The following MVB12B variants were observed in gnomAD, a reference collection of about 807,000 sequenced individuals.
MVB12B encodes ESCRT-I complex subunit MVB12B.
MVB12B carries 16 observed loss-of-function variants against 41.6 expected under a neutral mutation model. The ratio of observed to expected loss-of-function variants is 0.38; its 90% CI spans 0.26 to 0.58. The LOEUF (loss-of-function observed/expected upper bound fraction) is 0.58, where lower values mean the gene tolerates loss of function less well. Among genes scored for constraint, MVB12B ranks in the 20% least tolerant of loss-of-function variants. The probability of loss-of-function intolerance (pLI) is 0.62; values close to 1 mark genes in which losing one functional copy is unlikely to be tolerated. For missense variants in MVB12B, 274 were observed against 380.2 expected (o/e 0.72, Z 2.32); for synonymous variants, 133 against 139.7 (o/e 0.95, Z 0.34).
chr9:126,497,896 G>T (rs1014390277), intron 9 of MVB12B, among the ~76,000 whole-genome samples: 1 of 152,178 alleles, frequency 6.6e-6, no homozygotes, highest in Non-Finnish European at 1.5e-5. Context: ...TTGTCAAAAC[G>T]CCCACACCCA....
intron 1 of MVB12B, 78 bp downstream of exon 1, chr9:126,327,088 C>T (rs1419188038): frequency 1.5e-5 from 3 of 198,002 alleles, no homozygotes; most frequent in Admixed American, 6.8e-5. Flanking sequence ...CGGGCGCGGG[C>T]CCCCGGCCGA....
Position 126,504,535 on chromosome 9 carries a change from C to T in MVB12B, c.*1272C>T, listed in dbSNP as rs1409444080. The T allele has an allele frequency of 1.3e-5, 2 of 152,604 alleles. No homozygotes were observed. The highest frequency in any genetic ancestry group is 3.9e-4 in the East Asian group (2 of 5,188). 9.5% of individuals were successfully genotyped at this position (152,604 alleles called of 1,614,324 possible). A position where few individuals can be genotyped will look rare whatever the true frequency, so the allele number is the denominator to read the frequency against. On this transcript the variant is annotated 3_prime_UTR_variant, in exon 10 of 10. Coordinates refer to ENST00000361171, the MANE Select transcript of MVB12B (RefSeq NM_033446.3). ...AAGCCTCTGCCTCAGCGGGGACGGC[C>T]TCCTGCTGCAGGTCCTGGGCAGCCC...
intron 2 of MVB12B, among the ~76,000 whole-genome samples, chr9:126,364,036 G>T (rs1288347803): frequency 6.6e-6 from 1 of 152,154 alleles, no homozygotes; most frequent in Admixed American, 6.5e-5. Context: ...ACAGGGCCTG[G>T]TGCACACATT....
rs571921012 is a variant in MVB12B, at chr9:126,442,793, C to T, written c.757+20845C>T. ...GGTGGCAAGGCCTACAGCCGGCCAA[C>T]ATGAGTTGGGCAGAAGTGTATCCTC... On this transcript the variant is annotated intron_variant, in intron 7 of 9. Coordinates refer to ENST00000361171, the MANE Select transcript of MVB12B (RefSeq NM_033446.3). Among the ~76,000 whole-genome samples the T allele has an allele frequency of 1.8e-3, 274 of 152,276 alleles. 1 individual carries two copies. Among genetic ancestry groups the T allele is most frequent in the African/African-American group, 6.5e-3 (270 of 41,554 alleles).
At position 126,333,885 on chromosome 9, in the gene MVB12B, CCATT is replaced by C. The variant is rs1199732700; in HGVS notation, c.82-6621_82-6618del. On this transcript the variant is annotated intron_variant, in intron 1 of 9. Transcript: ENST00000361171. The surrounding 1 kb of genome is among the most constrained non-coding windows in gnomAD (Gnocchi z 4.7). ...TCCATCCATCCATCCATCCATCCAT[CCATT>C]CGTTCATCAAATACCTGATGAATAC... Among the ~76,000 whole-genome samples, 1 of 123,972 alleles carries C rather than the reference CCATT, an allele frequency of 8.1e-6. No homozygotes were observed. Among genetic ancestry groups the C allele is most frequent in the Non-Finnish European group, 1.7e-5 (1 of 57,784 alleles). 81.3% of individuals were successfully genotyped at this position (123,972 alleles called of 152,430 possible). A position where few individuals can be genotyped will look rare whatever the true frequency, so the allele number is the denominator to read the frequency against.
Position 126,369,615 on chromosome 9 carries a change from C to T in MVB12B, c.205-11449C>T, listed in dbSNP as rs928323680. 3.9e-5 allele frequency among the ~76,000 whole-genome samples: 6 copies of T among 151,986 alleles called. No homozygotes were observed. The South Asian group carries it at 6.2e-4, about 16-fold the overall frequency. On this transcript the variant is annotated intron_variant, in intron 2 of 9. Transcript: ENST00000361171. ...TAGGTGATATCCTACATGGGATATA[C>T]GTCACACTTATATGTATTTTTCACG...
rs1832471289 is a variant in MVB12B at position 126,436,107 on chromosome 9, G to A, written c.757+14159G>A. Among the ~76,000 whole-genome samples the A allele has an allele frequency of 6.6e-6, 1 of 152,354 alleles. No individual in the cohort carries two copies. The highest frequency in any genetic ancestry group is 2.1e-4 in the South Asian group (1 of 4,828). ...AAACAGGTAATTTTGGGGAAAAAAAGAGATGCTGTTTTTTGGATCACTGCA... is the reference window on the plus strand; with the variant it reads ...AAACAGGTAATTTTGGGGAAAAAAAAAGATGCTGTTTTTTGGATCACTGCA... On this transcript the variant is annotated intron_variant, in intron 7 of 9. Coordinates refer to ENST00000361171, the MANE Select transcript of MVB12B (RefSeq NM_033446.3). The surrounding 1 kb of genome is among the most constrained non-coding windows in gnomAD (Gnocchi z 4.1).
chr9:126,397,246 T>C (rs1831142488), intron 6 of MVB12B: 1 of 985,340 alleles, frequency 1.0e-6, no homozygotes. Context: ...GTTTTGACTT[T>C]CTGTGGTTAA....
chr9:126,470,027 C>G (rs1307436495), intron 7 of MVB12B, among the ~76,000 whole-genome samples: 1 of 152,186 alleles, frequency 6.6e-6, no homozygotes. Context: ...ACATAAGGCC[C>G]TAGGTACAAA....
intron 2 of MVB12B, among the ~76,000 whole-genome samples, chr9:126,363,135 C>T (rs191098460): frequency 9.9e-5 from 15 of 151,358 alleles, no homozygotes; most frequent in East Asian, 1.9e-4. Flanking sequence ...TGCAGTGAGC[C>T]GAGATTACAC....
At chr9:126,408,185 T>G (rs1831501730) in intron 6 of MVB12B, 1 of 152,254 alleles carries the variant, frequency 6.6e-6, no homozygotes, top group Non-Finnish European at 1.5e-5. Context: ...GTTATTAGCC[T>G]AATGATTTTG....
rs1834023883 is a variant in MVB12B, at chr9:126,504,363, G to A, written c.*1100G>A. 1 of 152,320 alleles carries A rather than the reference G, an allele frequency of 6.6e-6. No homozygotes were observed. The highest frequency in any genetic ancestry group is 1.5e-5 in the Non-Finnish European group (1 of 68,086). The allele number at this position is 152,320 out of a possible 1,614,324, so 9.4% of individuals were successfully genotyped here. A position where few individuals can be genotyped will look rare whatever the true frequency, so the allele number is the denominator to read the frequency against. On this transcript the variant is annotated 3_prime_UTR_variant, in exon 10 of 10. Coordinates refer to ENST00000361171, the MANE Select transcript of MVB12B (RefSeq NM_033446.3). ...TCGGGGCCCAGGCCCTCACCCGAAG[G>A]GCTGCCTCACTCTGTGGTGTCAGGC...
intron 6 of MVB12B, chr9:126,396,373 A>G: frequency 1.0e-6 from 1 of 985,514 alleles, no homozygotes; most frequent in Non-Finnish European, 1.2e-6. Context: ...AACAAACAGC[A>G]CTGATGGATT....
intron 7 of MVB12B, among the ~76,000 whole-genome samples, chr9:126,440,568 A>G (rs1207564777): frequency 6.6e-6 from 1 of 152,184 alleles, no homozygotes; most frequent in Non-Finnish European, 1.5e-5. Flanking sequence ...AAAAAGCCCA[A>G]CAGGAATCTC....
chr9:126,410,434 C>T (rs1368653599), intron 6 of MVB12B, among the ~76,000 whole-genome samples: 1 of 152,152 alleles, frequency 6.6e-6, no homozygotes, highest in Non-Finnish European at 1.5e-5. Context: ...GTTACTTAAC[C>T]TCTCTGAACC....
intron 9 of MVB12B, among the ~76,000 whole-genome samples, chr9:126,485,858 G>A (rs1012729886): frequency 5.3e-5 from 8 of 152,172 alleles, no homozygotes; most frequent in Admixed American, 2.0e-4. Context: ...AGACAGCACG[G>A]GGTGTGTGGC....
At chr9:126,432,954 G>A (rs888128352) in intron 7 of MVB12B, among the ~76,000 whole-genome samples, 2 of 152,154 alleles carry the variant, frequency 1.3e-5, no homozygotes, top group African/African-American at 4.8e-5. Flanking sequence ...TCATCTCTGG[G>A]ACCTCATCAG....
chr9:126,430,501 G>A (rs1217661256), intron 7 of MVB12B, among the ~76,000 whole-genome samples: 5 of 151,942 alleles, frequency 3.3e-5, no homozygotes, highest in African/African-American at 4.8e-5. Context: ...ACACTACTCT[G>A]TTGGAGAGTT....
At chr9:126,363,872 A>G (rs921810648) in intron 2 of MVB12B, among the ~76,000 whole-genome samples, 4 of 152,018 alleles carry the variant, frequency 2.6e-5, no homozygotes, top group African/African-American at 7.2e-5. Context: ...GTGTGTTTCA[A>G]TGGCACCCTT....
Sources: gnomAD v4.1 joint callset for allele counts (sites outside exome capture counted in the v4.1 genomes callset) on GRCh38, gnomAD v4.1.1 for gene constraint, Gnocchi (gnomAD v3.1) non-coding constraint, MANE v1.5 for transcripts, NCBI Gene and HGNC (gene_info 2026-07-23, HGNC 2026-07-21) for gene names.